Variants in NRXN1 observed in about 807,000 individuals in gnomAD.
NRXN1 encodes the protein neurexin-1.
Under a neutral mutation model 150.9 loss-of-function variants are expected in NRXN1, and 39 were observed. That is an observed-to-expected ratio of 0.26 (90% CI 0.20 to 0.34). NRXN1 has a LOEUF of 0.34. Ranked by LOEUF, NRXN1 falls within the 10% of genes least tolerant of loss-of-function variation. NRXN1 has a pLI of 1.00. For synonymous variants in NRXN1, 924 were observed against 757.0 expected, an observed-to-expected ratio of 1.22 and a Z score of -3.62; for missense variants, 1,815 against 1,949.9, an observed-to-expected ratio of 0.93 and a Z score of 1.30.
chr2:50,146,769 G>A (rs1029694257), intron 18 of NRXN1, among the ~76,000 whole-genome samples: 9 of 151,508 alleles, frequency 5.9e-5, no homozygotes, highest in Non-Finnish European at 8.9e-5. Context: ...TTTTGTTAAT[G>A]AATGGTCCAA....
chr2:50,439,791 T>G (rs1331468273), intron 17 of NRXN1, among the ~76,000 whole-genome samples: 5 of 147,476 alleles, frequency 3.4e-5, no homozygotes, highest in Admixed American at 1.4e-4. Context: ...CACTCCAGCC[T>G]GGGCAACAGA....
At chr2:50,153,760 T>TAAA (rs1319262921) in intron 18 of NRXN1, among the ~76,000 whole-genome samples, 1 of 151,760 alleles carries the variant, frequency 6.6e-6, no homozygotes, top group African/African-American at 2.4e-5. Context: ...GGCCTTTAAA[T>TAAA]CCTCCTCTTA....
At chr2:50,118,132 G>T (rs1224051693) in intron 18 of NRXN1, among the ~76,000 whole-genome samples, 1 of 152,210 alleles carries the variant, frequency 6.6e-6, no homozygotes, top group Non-Finnish European at 1.5e-5. Context: ...GTACTTAACA[G>T]AATGTGTCCG....
intron 17 of NRXN1, among the ~76,000 whole-genome samples, chr2:50,400,386 G>C (rs1168651169): frequency 6.6e-6 from 1 of 151,992 alleles, no homozygotes; most frequent in African/African-American, 2.4e-5. Context: ...ACTCCATAAG[G>C]AGTGCTATTG....
In NRXN1 at chr2:50,497,491, G is replaced by C. The variant is rs1420295490; in HGVS notation, c.2721C>G (p.Val907=). The C allele has an allele frequency of 6.2e-7, 1 of 1,613,894 alleles. No individual in the cohort carries two copies. Among genetic ancestry groups the C allele is most frequent in the East Asian group, 2.2e-5 (1 of 44,860 alleles). The change falls in exon 14 of 23, where the codon GTC becomes GTG. Residue 907 remains valine, a synonymous_variant. Coordinates refer to ENST00000401669, the MANE Select transcript of NRXN1 (RefSeq NM_001330078.2). The part of the protein sequence containing the change: ...FGFRNIIADP[V]TFKTKSSYVA... ...CATAGCTCGATTTGGTCTTGAAGGTGACAGGATCTGCTATGATGTTCCTGA... is the reference window on the plus strand; with the variant it reads ...CATAGCTCGATTTGGTCTTGAAGGTCACAGGATCTGCTATGATGTTCCTGA...
chr2:49,952,325 T>A (rs1274776900), intron 21 of NRXN1, among the ~76,000 whole-genome samples: 1 of 151,984 alleles, frequency 6.6e-6, no homozygotes, highest in Non-Finnish European at 1.5e-5. Flanking sequence ...ACTAAAATTG[T>A]CCTGAAGAAA....
chr2:50,536,624 T>G (rs928583412), intron 10 of NRXN1, among the ~76,000 whole-genome samples: 1 of 152,184 alleles, frequency 6.6e-6, no homozygotes, highest in Non-Finnish European at 1.5e-5. Flanking sequence ...CCAAGAGGCA[T>G]CAGAACAACT....
chr2:50,476,083 T>C (rs758244386), intron 15 of NRXN1, among the ~76,000 whole-genome samples: 3 of 152,110 alleles, frequency 2.0e-5, no homozygotes, highest in Non-Finnish European at 4.4e-5. Flanking sequence ...TTAAGGACCA[T>C]GTAGGCAATT....
chr2:50,284,004 G>C (rs1485293990), intron 17 of NRXN1, among the ~76,000 whole-genome samples: 1 of 152,098 alleles, frequency 6.6e-6, no homozygotes, highest in Non-Finnish European at 1.5e-5. Context: ...CTTGGGAGAA[G>C]TGCTTATTTT....
intron 2 of NRXN1, among the ~76,000 whole-genome samples, chr2:50,946,035 A>T (rs371018425): frequency 2.0e-5 from 3 of 151,764 alleles, no homozygotes; most frequent in East Asian, 3.9e-4. Context: ...ACCATAGAGG[A>T]TACAAACTAC....
chr2:50,633,735 T>A (rs1404521171), intron 5 of NRXN1, among the ~76,000 whole-genome samples: 1 of 151,980 alleles, frequency 6.6e-6, no homozygotes, highest in Non-Finnish European at 1.5e-5. Context: ...CACATGCAAA[T>A]CCCCTATTCT....
At chr2:50,693,161 A>G (rs1221416945) in intron 5 of NRXN1, among the ~76,000 whole-genome samples, 1 of 152,228 alleles carries the variant, frequency 6.6e-6, no homozygotes, top group African/African-American at 2.4e-5. Context: ...ACAAGGAGAA[A>G]GTAGATTTAA....
At position 50,053,274 on chromosome 2, in the gene NRXN1, G is replaced by A. The variant is rs1039999157; in HGVS notation, c.4125C>T (p.Ser1375=). 1.2e-6 allele frequency: 2 copies of A among 1,613,902 alleles called. No individual in the cohort carries two copies. Among genetic ancestry groups the A allele is most frequent in the Non-Finnish European group, 1.7e-6 (2 of 1,179,828 alleles). The change falls in exon 21 of 23, where the codon AGC becomes AGT. Residue 1375 remains serine, a synonymous_variant. Transcript: ENST00000401669. ...RGKPPTKEPI[S]QTTDDILVAS... Reference sequence around the variant, plus strand: ...GGAATAAAATCCACAGGCTCACCTGGCTAATGGGTTCTTTTGTCGGGGGCT... The same window carrying A: ...GGAATAAAATCCACAGGCTCACCTGACTAATGGGTTCTTTTGTCGGGGGCT...
intron 21 of NRXN1, among the ~76,000 whole-genome samples, chr2:49,974,674 G>C (rs1386627111): frequency 1.3e-5 from 2 of 151,544 alleles, no homozygotes; most frequent in East Asian, 3.9e-4. Context: ...GACATTTTTT[G>C]AATGCCAAGT....
chr2:50,682,802 A>G (rs1040810650), intron 5 of NRXN1, among the ~76,000 whole-genome samples: 37 of 152,198 alleles, frequency 2.4e-4, no homozygotes, highest in African/African-American at 7.2e-4. Context: ...TCAGTAACAT[A>G]GGAAAAATTT....
intron 5 of NRXN1, among the ~76,000 whole-genome samples, chr2:50,643,586 G>A (rs902526445): frequency 5.9e-5 from 9 of 151,780 alleles, no homozygotes; most frequent in Middle Eastern, 3.4e-3. Flanking sequence ...CCATATGAAC[G>A]GTATGATATT....
chr2:50,008,300 A>G (rs1391128855), intron 21 of NRXN1, among the ~76,000 whole-genome samples: 1 of 152,056 alleles, frequency 6.6e-6, no homozygotes, highest in African/African-American at 2.4e-5. Context: ...CTGGGTTTGG[A>G]TCTAACTTTT....
chr2:50,607,934 G>A (rs1393496734), intron 8 of NRXN1, among the ~76,000 whole-genome samples: 5 of 152,090 alleles, frequency 3.3e-5, no homozygotes, highest in African/African-American at 1.2e-4. Context: ...ATCCCTATAA[G>A]AGTCCTCATG....
chr2:50,227,316 C>T (rs1030656439), intron 18 of NRXN1, among the ~76,000 whole-genome samples: 3 of 151,904 alleles, frequency 2.0e-5, no homozygotes, highest in Admixed American at 6.6e-5. Flanking sequence ...ATTAAATACA[C>T]ATTGGGAAAA....
Sources: gnomAD v4.1 joint callset for allele counts (sites outside exome capture counted in the v4.1 genomes callset) on GRCh38, gnomAD v4.1.1 for gene constraint, MANE v1.5 for transcripts, NCBI Gene and HGNC (gene_info 2026-07-23, HGNC 2026-07-21) for gene names.